Variants in CPQ observed in about 807,000 individuals in gnomAD.
The protein encoded by CPQ is Ser-Met dipeptidase.
A neutral mutation model predicts 45.7 loss-of-function variants in CPQ; 37 were observed. That is an observed-to-expected ratio of 0.81 (90% confidence interval 0.62 to 1.07). The LOEUF is 1.07. Ranked by LOEUF, CPQ falls within the 50% of genes least tolerant of loss-of-function variation. The pLI is 0.00. For missense variants in CPQ, 537 were observed against 572.9 expected, an observed-to-expected ratio of 0.94 and a Z score of 0.64; for synonymous variants, 186 against 205.8, an observed-to-expected ratio of 0.90 and a Z score of 0.82.
intron 1 of CPQ, among the ~76,000 whole-genome samples, chr8:96,767,986 A>C (rs1810491249): frequency 6.6e-6 from 1 of 151,900 alleles, no homozygotes; most frequent in African/African-American, 2.4e-5. Context: ...TCTCACCTCC[A>C]GCCTGGGATG....
chr8:96,702,837 T>C (rs1809481954), intron 1 of CPQ, among the ~76,000 whole-genome samples: 1 of 152,116 alleles, frequency 6.6e-6, no homozygotes, highest in South Asian at 2.1e-4. Context: ...TTTGCATTTT[T>C]GTGCTTTTTT....
At chr8:96,728,004 T>G (rs1441365885) in intron 1 of CPQ, among the ~76,000 whole-genome samples, 1 of 152,236 alleles carries the variant, frequency 6.6e-6, no homozygotes, top group Non-Finnish European at 1.5e-5. Context: ...CCTCAAACTT[T>G]GGCTTATCTG....
chr8:96,719,262 C>T (rs1223869611), intron 1 of CPQ, among the ~76,000 whole-genome samples: 2 of 152,226 alleles, frequency 1.3e-5, no homozygotes, highest in African/African-American at 2.4e-5. Context: ...GGTGAGAAAT[C>T]GAGCGCAGCG....
intron 5 of CPQ, among the ~76,000 whole-genome samples, chr8:97,023,916 G>T (rs1809752188): frequency 6.6e-6 from 1 of 152,144 alleles, no homozygotes. Context: ...TCTGGTGTCT[G>T]CTATATGGCA....
At chr8:96,665,474 T>A (rs982023772) in intron 1 of CPQ, among the ~76,000 whole-genome samples, 1 of 152,172 alleles carries the variant, frequency 6.6e-6, no homozygotes, top group East Asian at 1.9e-4. Flanking sequence ...TCCTGAATTA[T>A]AGGGACAATT....
chr8:97,080,259 A>C (rs1394109247), intron 7 of CPQ, among the ~76,000 whole-genome samples: 1 of 152,218 alleles, frequency 6.6e-6, no homozygotes, highest in Non-Finnish European at 1.5e-5. Flanking sequence ...CTGAAGTCTC[A>C]GATGTGAGCA....
intron 7 of CPQ, among the ~76,000 whole-genome samples, chr8:97,131,695 TTTTA>T (rs894887219): frequency 1.1e-4 from 16 of 152,324 alleles, no homozygotes; most frequent in African/African-American, 3.6e-4. Flanking sequence ...TCTAAAATAA[TTTTA>T]TTTCTCATTA....
At chr8:96,716,129 C>T (rs1379161588) in intron 1 of CPQ, among the ~76,000 whole-genome samples, 1 of 152,150 alleles carries the variant, frequency 6.6e-6, no homozygotes, top group Non-Finnish European at 1.5e-5. Flanking sequence ...ATGGTGAAAG[C>T]TGAGGTCATG....
At chr8:96,998,107 C>T (rs1421117745) in intron 5 of CPQ, among the ~76,000 whole-genome samples, 1 of 151,910 alleles carries the variant, frequency 6.6e-6, no homozygotes, top group African/African-American at 2.4e-5. Flanking sequence ...CATACCACGC[C>T]ATGCTACTCT....
intron 7 of CPQ, among the ~76,000 whole-genome samples, chr8:97,122,365 A>G (rs766055017): frequency 2.7e-4 from 41 of 152,296 alleles, no homozygotes; most frequent in Non-Finnish European, 5.7e-4. Context: ...CTTGTAGAAG[A>G]CAATGGGTGA....
At chr8:96,727,464 G>C (rs1031632259) in intron 1 of CPQ, among the ~76,000 whole-genome samples, 2 of 152,104 alleles carry the variant, frequency 1.3e-5, no homozygotes, top group Non-Finnish European at 2.9e-5. Flanking sequence ...GACCACTTCA[G>C]GTTTTATCTC....
At chr8:96,997,091 G>A (rs1809191466) in intron 5 of CPQ, among the ~76,000 whole-genome samples, 1 of 151,774 alleles carries the variant, frequency 6.6e-6, no homozygotes, top group African/African-American at 2.4e-5. Flanking sequence ...CTCTTCAAAT[G>A]TTTTCTTAGC....
intron 2 of CPQ, among the ~76,000 whole-genome samples, chr8:96,828,464 T>A (rs1378280139): frequency 6.6e-6 from 1 of 151,890 alleles, no homozygotes; most frequent in African/African-American, 2.4e-5. Context: ...TTGGCACTCA[T>A]TTTTCCCATC....
intron 7 of CPQ, among the ~76,000 whole-genome samples, chr8:97,137,289 G>A (rs1812076538): frequency 6.6e-6 from 1 of 152,016 alleles, no homozygotes; most frequent in African/African-American, 2.4e-5. Context: ...TTTGTCTGTC[G>A]ACCACCATGC....
intron 1 of CPQ, among the ~76,000 whole-genome samples, chr8:96,656,500 G>A (rs184512104): frequency 6.6e-6 from 1 of 152,208 alleles, no homozygotes; most frequent in East Asian, 1.9e-4. Context: ...GGATGGATGG[G>A]GTCTGGAGTA....
In CPQ at chr8:97,002,122, C is replaced by T. The variant is rs191532506; in HGVS notation, c.962-27281C>T. Among the ~76,000 whole-genome samples the T allele has an allele frequency of 1.7e-3, 262 of 152,074 alleles. 3 individuals are homozygous for T. The highest frequency in any genetic ancestry group is 0.013 in the Admixed American group (194 of 15,234). On this transcript the variant is annotated intron_variant, in intron 5 of 7. Transcript: ENST00000220763. ...GAGTCAGGGGTAATATCCCCCTTAT[C>T]GTTTTTGATTATGTTTATTTGAACC...
intron 3 of CPQ, among the ~76,000 whole-genome samples, chr8:96,865,331 C>T (rs767114293): frequency 6.6e-6 from 1 of 151,916 alleles, no homozygotes; most frequent in Admixed American, 6.6e-5. Context: ...AGTAGAGAGG[C>T]GGGTGTTGAG....
chr8:96,696,652 C>A (rs919870283), intron 1 of CPQ, among the ~76,000 whole-genome samples: 4 of 151,648 alleles, frequency 2.6e-5, no homozygotes, highest in Non-Finnish European at 5.9e-5. Context: ...AGAGAGACTA[C>A]CCAAATAAAT....
intron 4 of CPQ, among the ~76,000 whole-genome samples, chr8:96,893,155 C>T (rs1449404715): frequency 6.6e-6 from 1 of 152,152 alleles, no homozygotes; most frequent in Admixed American, 6.5e-5. Flanking sequence ...GATTTAAATT[C>T]ATCTGTCCTA....
Sources: allele counts gnomAD v4.1 joint callset (sites outside exome capture counted in the v4.1 genomes callset), GRCh38; gene constraint gnomAD v4.1.1; transcripts MANE v1.5; gene names NCBI Gene and HGNC (gene_info 2026-07-23, HGNC 2026-07-21).